The following NAA11 variants were observed in gnomAD, a reference collection of about 807,000 sequenced individuals.
The protein encoded by NAA11 is N-alpha-acetyltransferase 11.
A neutral mutation model predicts 16.1 loss-of-function variants in NAA11; 15 were observed. The ratio of observed to expected loss-of-function variants is 0.93; its 90% CI spans 0.62 to 1.44. NAA11 has a LOEUF of 1.44. Ranked by LOEUF, NAA11 falls within the 40% of genes most tolerant of loss-of-function variation. The pLI, the probability that NAA11 is intolerant of heterozygous loss-of-function variation, is 0.00. For synonymous variants in NAA11, 122 were observed against 112.4 expected (o/e 1.09, Z -0.54); for missense variants, 298 against 291.3 (o/e 1.02, Z -0.17).
intron 2 of NAA11, among the ~76,000 whole-genome samples, chr4:79,268,629 G>A (rs971659303): frequency 5.3e-5 from 8 of 151,952 alleles, no homozygotes; most frequent in Non-Finnish European, 1.0e-4. Flanking sequence ...CTCAATGTAG[G>A]GTCAAATGAC....
At chr4:79,243,089 T>G (rs1721730687) in intron 2 of NAA11, among the ~76,000 whole-genome samples, 1 of 152,208 alleles carries the variant, frequency 6.6e-6, no homozygotes, top group East Asian at 1.9e-4. Flanking sequence ...GTTTGAAATT[T>G]CTGGGTAGTG....
chr4:79,233,433 T>A (rs1721507183), intron 2 of NAA11, among the ~76,000 whole-genome samples: 1 of 152,000 alleles, frequency 6.6e-6, no homozygotes, highest in Admixed American at 6.6e-5. Context: ...AAAAAAGGAA[T>A]CCCTTGTTTT....
At chr4:79,314,896 T>A (rs561438639), downstream of NAA11, among the ~76,000 whole-genome samples, 3 of 152,076 alleles carry the variant, frequency 2.0e-5, no homozygotes, top group Non-Finnish European at 4.4e-5. Context: ...CTATATACAC[T>A]TTTTTGTTGT....
At chr4:79,216,039 C>T in the NAA11 span, among the ~76,000 whole-genome samples, 22 of 152,054 alleles carry the variant, frequency 1.4e-4, no homozygotes, top group Non-Finnish European at 7.4e-5. Flanking sequence ...GTACTCTGTT[C>T]TATTCTTTAT....
At chr4:79,227,282 A>G (rs1721338837) in intron 2 of NAA11, 1 of 152,118 alleles carries the variant, frequency 6.6e-6, no homozygotes, top group African/African-American at 2.4e-5. Context: ...GCTAATATCC[A>G]GAATCTACAA....
At chr4:79,315,525 T>C (rs1223172202), downstream of NAA11, among the ~76,000 whole-genome samples, 1 of 152,172 alleles carries the variant, frequency 6.6e-6, no homozygotes, top group Non-Finnish European at 1.5e-5. Flanking sequence ...AATAATCTGC[T>C]AGCAGACCTG....
the NAA11 span, among the ~76,000 whole-genome samples, chr4:79,157,609 A>C: frequency 6.6e-6 from 1 of 151,970 alleles, no homozygotes; most frequent in Non-Finnish European, 1.5e-5. Context: ...ATACACACAT[A>C]TATATACACA....
intron 2 of NAA11, among the ~76,000 whole-genome samples, chr4:79,286,834 C>A (rs1171991151): frequency 6.6e-6 from 1 of 152,034 alleles, no homozygotes; most frequent in African/African-American, 2.4e-5. Context: ...TTAGGGTAAA[C>A]CAGCCATTTG....
At chr4:79,238,587 A>T (rs1385670024) in intron 2 of NAA11, among the ~76,000 whole-genome samples, 2 of 152,196 alleles carry the variant, frequency 1.3e-5, no homozygotes, top group African/African-American at 4.8e-5. Flanking sequence ...GACAAAGCAT[A>T]TATGTTAATA....
Position 79,243,500 on chromosome 4 carries a change from C to T in NAA11, c.*123-17230G>A, listed in dbSNP as rs1190488506. The stretch of plus-strand genomic sequence containing the variant: ...TGCATGTTCTCTACCCCTTCCCTCA[C>T]CACTAAACCATAAACTCCATGAGAG... On this transcript the variant is annotated intron_variant and NMD_transcript_variant, in intron 2 of 2. Coordinates refer to the NAA11 transcript ENST00000511542. 2.0e-5 allele frequency among the ~76,000 whole-genome samples: 3 copies of T among 152,252 alleles called. No individual in the cohort carries two copies. In the South Asian group the frequency reaches 6.2e-4, roughly 31 times the overall value.
chr4:79,253,019 A>G (rs538164496), intron 2 of NAA11, among the ~76,000 whole-genome samples: 1 of 152,270 alleles, frequency 6.6e-6, no homozygotes, highest in African/African-American at 2.4e-5. Context: ...GGATCAGGGA[A>G]GTAGTAGTAG....
the NAA11 span, among the ~76,000 whole-genome samples, chr4:79,214,146 A>AGCCAG: frequency 6.6e-6 from 1 of 152,208 alleles, no homozygotes; most frequent in Non-Finnish European, 1.5e-5. Context: ...TATGGTGATG[A>AGCCAG]CTTGCAAAAG....
rs1309189139 is a variant in NAA11 at position 79,303,072 on chromosome 4, CCTTTTATATATATATATATA to C, written c.*13-8978_*13-8959del. On this transcript the variant is annotated intron_variant and NMD_transcript_variant, in intron 1 of 2. Coordinates refer to the NAA11 transcript ENST00000511542. ...CCTTTTCATTCCTGTTCTCTTGAGG[CCTTTTATATATATATATATA>C]TATATATATATATATATATATATAT... is the stretch of plus-strand genomic sequence containing the variant. 1.5e-3 allele frequency among the ~76,000 whole-genome samples: 135 copies of C among 89,072 alleles called. 2 individuals are homozygous for C. The highest frequency in any genetic ancestry group is 5.5e-3 in the African/African-American group (120 of 22,008). 58.4% of individuals were successfully genotyped at this position (89,072 alleles called of 152,430 possible). A position where few individuals can be genotyped will look rare whatever the true frequency, so the allele number is the denominator to read the frequency against.
chr4:79,166,729 CGTG>C, the NAA11 span, among the ~76,000 whole-genome samples: 1 of 148,720 alleles, frequency 6.7e-6, no homozygotes, highest in Non-Finnish European at 1.5e-5. Context: ...ATTAGCTGGG[CGTG>C]GTGGCACGCA....
the NAA11 span, among the ~76,000 whole-genome samples, chr4:79,195,125 A>G: frequency 6.6e-6 from 1 of 152,094 alleles, no homozygotes; most frequent in Non-Finnish European, 1.5e-5. Flanking sequence ...CAAGATATCT[A>G]TGTTTTTGGT....
At chr4:79,193,858 A>G in the NAA11 span, among the ~76,000 whole-genome samples, 1 of 152,110 alleles carries the variant, frequency 6.6e-6, no homozygotes, top group African/African-American at 2.4e-5. Flanking sequence ...CTACCCATGA[A>G]CATGGAATGT....
At chr4:79,249,402 G>A (rs1004293632) in intron 2 of NAA11, among the ~76,000 whole-genome samples, 5 of 152,204 alleles carry the variant, frequency 3.3e-5, no homozygotes, top group Admixed American at 1.3e-4. Context: ...ATGAACAAAT[G>A]ACCATTACAA....
intron 2 of NAA11, among the ~76,000 whole-genome samples, chr4:79,274,946 T>G (rs1298623307): frequency 6.6e-6 from 1 of 152,028 alleles, no homozygotes; most frequent in African/African-American, 2.4e-5. Flanking sequence ...AAGATAAGGT[T>G]TATGTGCTAG....
intron 2 of NAA11, among the ~76,000 whole-genome samples, chr4:79,234,696 C>A (rs1016224566): frequency 8.5e-5 from 13 of 152,106 alleles, no homozygotes; most frequent in African/African-American, 3.1e-4. Flanking sequence ...CTACTCCATG[C>A]AGTGACCTTT....
Sources: allele counts gnomAD v4.1 joint callset (sites outside exome capture counted in the v4.1 genomes callset), GRCh38; gene constraint gnomAD v4.1.1; transcripts MANE v1.5; gene names NCBI Gene and HGNC (gene_info 2026-07-23, HGNC 2026-07-21).